USP33: variants seen among roughly 807,000 people sequenced by gnomAD.
USP33 encodes the protein ubiquitin carboxyl-terminal hydrolase 33.
In USP33, 46 loss-of-function variants were observed where a neutral mutation model predicts 124.2. The observed-to-expected ratio is 0.37, with a 90% CI of 0.29 to 0.47. The LOEUF (loss-of-function observed/expected upper bound fraction) is 0.47, where lower values mean the gene tolerates loss of function less well. USP33 is among the 20% of genes least tolerant of loss of function. The pLI is 0.99. For missense variants in USP33, 851 were observed against 1,070.6 expected (o/e 0.79, Z 2.86); for synonymous variants, 350 against 352.3 (o/e 0.99, Z 0.07).
chr1:77,732,718 G>A (rs1321297184), intron 7 of USP33, among the ~76,000 whole-genome samples: 1 of 151,686 alleles, frequency 6.6e-6, no homozygotes, highest in Non-Finnish European at 1.5e-5. Flanking sequence ...CATTCTGCTA[G>A]GAATGCTCTC....
At chr1:77,743,307 A>AT (rs199526126) in intron 1 of USP33, among the ~76,000 whole-genome samples, 2,766 of 152,054 alleles carry the variant, frequency 0.018, 67 homozygotes, top group East Asian at 0.1. Flanking sequence ...TAGTAAATAC[A>AT]TTTTTTTTAT....
chr1:77,735,008 A>G (rs1678268914), intron 6 of USP33, among the ~76,000 whole-genome samples: 2 of 152,136 alleles, frequency 1.3e-5, no homozygotes, highest in African/African-American at 4.8e-5. Flanking sequence ...CTGTAGTCCC[A>G]GCTACTCGGG....
intron 15 of USP33, chr1:77,720,192 A>C (rs1676426576): frequency 2.2e-6 from 1 of 461,908 alleles, no homozygotes; most frequent in Non-Finnish European, 2.8e-6. Flanking sequence ...AAAAAAAAAA[A>C]AACCTTTATT....
At chr1:77,755,763 G>T (rs1481725060) in intron 1 of USP33, among the ~76,000 whole-genome samples, 1 of 152,194 alleles carries the variant, frequency 6.6e-6, no homozygotes, top group Non-Finnish European at 1.5e-5. Context: ...GTGGGAAATG[G>T]TCTTATTTTA....
At chr1:77,722,391 A>G (rs1275120478) in intron 12 of USP33, 195 bp from the exon 13 acceptor site, 1 of 536,412 alleles carries the variant, frequency 1.9e-6, no homozygotes, top group Non-Finnish European at 3.3e-6. Flanking sequence ...AACAAAACAC[A>G]CTTGCTCTGT....
chr1:77,734,835 G>C (rs1678240605), intron 6 of USP33, among the ~76,000 whole-genome samples: 1 of 152,102 alleles, frequency 6.6e-6, no homozygotes. Flanking sequence ...ACTGAAAGTA[G>C]TATTTATGCC....
intron 4 of USP33, among the ~76,000 whole-genome samples, chr1:77,740,239 T>C (rs1278448002): frequency 1.3e-5 from 2 of 152,180 alleles, no homozygotes; most frequent in Non-Finnish European, 2.9e-5. Context: ...CAATATGACA[T>C]GAGCTGAGAC....
intron 21 of USP33, among the ~76,000 whole-genome samples, chr1:77,704,851 G>T (rs1674437539): frequency 6.6e-6 from 1 of 151,956 alleles, no homozygotes; most frequent in African/African-American, 2.4e-5. Flanking sequence ...ACTTCACATG[G>T]TCTACACTCA....
Position 77,728,463 on chromosome 1 carries a change from C to T in USP33, c.967G>A (p.Glu323Lys), listed in dbSNP as rs762346501. The change falls in exon 10 of 24, where the codon GAA becomes AAA. Residue 323 changes from glutamate (E) to lysine (K), a missense_variant. By Grantham distance (56) the Glu-to-Lys change is moderately conservative (BLOSUM62 1). Transcript: ENST00000370794. Reference sequence around the variant, plus strand: ...TCCTTTGACATTTCTGAATTGTTTTCATCATCCTGAATTAACATTGTTGTT... The same window carrying T: ...TCCTTTGACATTTCTGAATTGTTTTTATCATCCTGAATTAACATTGTTGTT... ...NETTMLIQDD[E>K]NNSEMSKDWQ... 1.2e-6 allele frequency: 2 copies of T among 1,613,970 alleles called. No homozygotes were observed. The highest frequency in any genetic ancestry group is 1.7e-6 in the Non-Finnish European group (2 of 1,179,982).
intron 20 of USP33, among the ~76,000 whole-genome samples, chr1:77,712,494 G>A (rs576515510): frequency 2.0e-5 from 3 of 152,224 alleles, no homozygotes; most frequent in Admixed American, 6.5e-5. Flanking sequence ...CTGCACTCCC[G>A]ACTGGGCGAC....
chr1:77,751,145 C>A (rs1007508990), intron 1 of USP33, among the ~76,000 whole-genome samples: 2 of 152,180 alleles, frequency 1.3e-5, no homozygotes, highest in African/African-American at 4.8e-5. Flanking sequence ...AAAGAGTGCA[C>A]AAGATTTTAT....
At chr1:77,730,545 C>T (rs1233846287) in intron 8 of USP33, 73 bp downstream of exon 8, 2 of 1,158,576 alleles carry the variant, frequency 1.7e-6, no homozygotes, top group Non-Finnish European at 2.3e-6. Flanking sequence ...CATAAATGGA[C>T]CTGCAACCTT....
intron 1 of USP33, among the ~76,000 whole-genome samples, chr1:77,744,573 G>A (rs1012818837): frequency 5.3e-5 from 8 of 152,234 alleles, no homozygotes; most frequent in African/African-American, 1.9e-4. Flanking sequence ...GCTGGGTACA[G>A]TAGCTAATGC....
intron 21 of USP33, among the ~76,000 whole-genome samples, chr1:77,706,205 T>C (rs1207623735): frequency 6.6e-6 from 1 of 152,222 alleles, no homozygotes; most frequent in Non-Finnish European, 1.5e-5. Context: ...TACTAGGAGT[T>C]GAACCTACAA....
In USP33 at chr1:77,728,317, C is replaced by T. The variant is rs1337055436; in HGVS notation, c.1113G>A (p.Val371=). 3 of 1,599,930 alleles carry T rather than the reference C, an allele frequency of 1.9e-6. No individual in the cohort carries two copies. In the South Asian group the frequency reaches 3.4e-5, roughly 18 times the overall value. ...CACCTGAAGCTCTGCTGTGTATTTG[C>T]ACTTTGACAGTTTCCTGGTTGTTTA... ...VDLNNQETVK[V]QIHSRASEYI... Residue 371 remains valine, a synonymous_variant, in exon 10 of 24, where the codon GTG becomes GTA. Coordinates refer to ENST00000370794, the MANE Select transcript of USP33 (RefSeq NM_201624.3).
intron 1 of USP33, among the ~76,000 whole-genome samples, chr1:77,744,362 A>G (rs1357925158): frequency 1.3e-5 from 2 of 152,160 alleles, no homozygotes; most frequent in African/African-American, 4.8e-5. Flanking sequence ...CAGAACAAAG[A>G]TAGACTAAAT....
chr1:77,748,084 A>T (rs958753794), intron 1 of USP33, among the ~76,000 whole-genome samples: 1 of 152,218 alleles, frequency 6.6e-6, no homozygotes, highest in East Asian at 1.9e-4. Context: ...AATGGAAAAC[A>T]TAAGTTTTCC....
rs748029064 is a variant in USP33 at position 77,736,025 on chromosome 1, T to C, written c.454+31A>G. ...TTTTCTAAAGAAATGGGCAGTGCCA[T>C]ACAAAGAAGCGTTACACAGGATTAA... On this transcript the variant is annotated intron_variant, in intron 6 of 23. Coordinates refer to ENST00000370794, the MANE Select transcript of USP33 (RefSeq NM_201624.3). The C allele has an allele frequency of 4.0e-6, 6 of 1,505,794 alleles. No homozygotes were observed. The Admixed American group carries it at 1.1e-4, about 27-fold the overall frequency. The allele number at this position is 1,505,794 out of a possible 1,614,324, so 93.3% of individuals were successfully genotyped here.
rs1429068132 is a variant in USP33, at chr1:77,750,621, TAAAA to T, written c.-51-8877_-51-8874del. Among the ~76,000 whole-genome samples the T allele has an allele frequency of 4.8e-3, 393 of 82,682 alleles. 1 individual carries two copies. The highest frequency in any genetic ancestry group is 0.019 in the African/African-American group (373 of 19,624). 54.2% of individuals were successfully genotyped at this position (82,682 alleles called of 152,430 possible). A position where few individuals can be genotyped will look rare whatever the true frequency, so the allele number is the denominator to read the frequency against. The stretch of plus-strand genomic sequence containing the variant: ...TGTGCAACACAGCAAGACCCTGACT[TAAAA>T]AAGAAAGAAAGAAAGAAAGAAAGAA... On this transcript the variant is annotated intron_variant, in intron 1 of 23. Coordinates refer to ENST00000370794, the MANE Select transcript of USP33 (RefSeq NM_201624.3).
Sources: gnomAD v4.1 joint callset for allele counts (sites outside exome capture counted in the v4.1 genomes callset) on GRCh38, gnomAD v4.1.1 for gene constraint, MANE v1.5 for transcripts, NCBI Gene and HGNC (gene_info 2026-07-23, HGNC 2026-07-21) for gene names.